Variants in INSC observed in about 807,000 individuals in gnomAD.
INSC encodes protein inscuteable homolog.
In INSC, 67 loss-of-function variants were observed where a neutral mutation model predicts 58.6. The ratio of observed to expected loss-of-function variants is 1.14; its 90% CI spans 0.94 to 1.40. The LOEUF is 1.40. Among genes scored for constraint, INSC ranks in the 40% most tolerant of loss-of-function variants. The pLI, the probability that INSC is intolerant of heterozygous loss-of-function variation, is 0.00. For synonymous variants in INSC, 262 were observed against 276.1 expected (o/e 0.95, Z 0.51); for missense variants, 714 against 692.0 (o/e 1.03, Z -0.36).
At chr11:15,265,805 T>C in the INSC span, among the ~76,000 whole-genome samples, 3 of 148,236 alleles carry the variant, frequency 2.0e-5, no homozygotes, top group Admixed American at 6.9e-5. Context: ...TATTTTCAGG[T>C]ATATGTTTTT....
chr11:15,247,301 A>C (rs1852596989), downstream of INSC: 1 of 152,162 alleles, frequency 6.6e-6, no homozygotes, highest in Non-Finnish European at 1.5e-5. Flanking sequence ...TAATCACATG[A>C]GTATTAATTA....
chr11:15,248,631 G>T (rs559127615), downstream of INSC, among the ~76,000 whole-genome samples: 22 of 152,188 alleles, frequency 1.4e-4, no homozygotes, highest in Non-Finnish European at 3.2e-4. Context: ...CAGGGTCAAA[G>T]TTCTGCCCAT....
intron 1 of INSC, among the ~76,000 whole-genome samples, chr11:15,143,091 G>T (rs758854702): frequency 1.1e-4 from 17 of 152,256 alleles, no homozygotes; most frequent in Middle Eastern, 3.4e-3. Flanking sequence ...TTGATATTAT[G>T]CACAAGCCTA....
chr11:15,203,215 A>G (rs1850664247), intron 7 of INSC, among the ~76,000 whole-genome samples: 1 of 152,144 alleles, frequency 6.6e-6, no homozygotes, highest in Non-Finnish European at 1.5e-5. Flanking sequence ...TGGTTTAATG[A>G]TTACTCTGAG....
intron 7 of INSC, among the ~76,000 whole-genome samples, chr11:15,202,416 T>A (rs1363319221): frequency 6.6e-6 from 1 of 152,140 alleles, no homozygotes; most frequent in Non-Finnish European, 1.5e-5. Flanking sequence ...CAGTGGACTG[T>A]CTGATTGTGT....
chr11:15,204,344 T>C (rs1850713511), intron 7 of INSC, among the ~76,000 whole-genome samples: 1 of 152,228 alleles, frequency 6.6e-6, no homozygotes, highest in Non-Finnish European at 1.5e-5. Context: ...GCCTGGGCTG[T>C]TAACAATTGT....
In INSC at chr11:15,225,686, T is replaced by C. The variant is rs2133942083; in HGVS notation, c.1028T>C (p.Leu343Pro). 6 of 1,614,232 alleles carry C rather than the reference T, an allele frequency of 3.7e-6. No homozygotes were observed. The highest frequency in any genetic ancestry group is 5.1e-6 in the Non-Finnish European group (6 of 1,180,036). ...GAGGCCTCATCAGGGGAAGTCTTCC[T>C]ACTGGCCTCTGCGGCCCTTGCCAAC... Reference protein sequence around the residue: ...CQEASSGEVFLLASAALANIT... With the variant: ...CQEASSGEVFPLASAALANIT... Residue 343 changes from leucine to proline, a missense_variant, in exon 9 of 13, where the codon CTA (leucine) becomes CCA (proline). Leu to Pro is a moderately conservative substitution (Grantham distance 98). Transcript: ENST00000379556.
intron 12 of INSC, among the ~76,000 whole-genome samples, chr11:15,243,921 A>C (rs1221406146): frequency 8.2e-6 from 1 of 122,464 alleles, no homozygotes. Flanking sequence ...TCTTTTTTAT[A>C]CTTGGTCTTT....
At chr11:15,179,537 C>T (rs372115034) in intron 5 of INSC, among the ~76,000 whole-genome samples, 66 of 152,350 alleles carry the variant, frequency 4.3e-4, no homozygotes, top group African/African-American at 1.5e-3. Flanking sequence ...GCTTGACTGA[C>T]ATGCTGGTCC....
At chr11:15,205,449 G>A (rs991294948) in intron 7 of INSC, among the ~76,000 whole-genome samples, 16 of 152,182 alleles carry the variant, frequency 1.1e-4, no homozygotes, top group Admixed American at 2.6e-4. Context: ...TCAGTAAAAT[G>A]AGCCTATAAA....
At chr11:15,127,195 G>A (rs931821676) in intron 1 of INSC, among the ~76,000 whole-genome samples, 4 of 152,214 alleles carry the variant, frequency 2.6e-5, no homozygotes, top group Non-Finnish European at 5.9e-5. Flanking sequence ...TAGGGCTTAA[G>A]GCCAGTGCTT....
In INSC at chr11:15,126,299, G is replaced by A. The variant is rs568191707; in HGVS notation, c.-46+11296G>A. Among the ~76,000 whole-genome samples, 5 of 152,350 alleles carry A rather than the reference G, an allele frequency of 3.3e-5. No homozygotes were observed. In the South Asian group the frequency reaches 6.2e-4, roughly 19 times the overall value. On this transcript the variant is annotated intron_variant, in intron 1 of 12. Transcript: ENST00000379556. ...AGGAGTACTTCTGGGGCAGCTCCTA[G>A]ATGCAATGGTGTGGGGCTTTATGGC... is the stretch of plus-strand genomic sequence containing the variant.
intron 9 of INSC, among the ~76,000 whole-genome samples, chr11:15,228,360 G>A (rs974109768): frequency 6.6e-6 from 1 of 152,186 alleles, no homozygotes; most frequent in Non-Finnish European, 1.5e-5. Context: ...GGTAGGGAGA[G>A]AATGTGGTTG....
chr11:15,253,350 G>A, the INSC span, among the ~76,000 whole-genome samples: 4 of 152,112 alleles, frequency 2.6e-5, no homozygotes, highest in Non-Finnish European at 4.4e-5. Flanking sequence ...ATTCAAAGGC[G>A]TTGAGACACA....
chr11:15,165,056 G>T (rs562467667), intron 2 of INSC, among the ~76,000 whole-genome samples: 6 of 152,274 alleles, frequency 3.9e-5, no homozygotes, highest in Admixed American at 2.0e-4. Flanking sequence ...ACATGATACC[G>T]AGCAGGTCTT....
the INSC span, among the ~76,000 whole-genome samples, chr11:15,268,956 G>T: frequency 6.6e-6 from 1 of 151,936 alleles, no homozygotes; most frequent in African/African-American, 2.4e-5. Context: ...ACTTCAAATT[G>T]GTATAGAAAA....
At chr11:15,127,711 A>T (rs573079368) in intron 1 of INSC, among the ~76,000 whole-genome samples, 78 of 152,306 alleles carry the variant, frequency 5.1e-4, no homozygotes, top group African/African-American at 1.8e-3. Flanking sequence ...TTGTGGGGTC[A>T]TTATGCCCTT....
intron 2 of INSC, among the ~76,000 whole-genome samples, chr11:15,153,118 G>A (rs1208723728): frequency 2.0e-5 from 3 of 152,204 alleles, no homozygotes; most frequent in Admixed American, 6.5e-5. Context: ...TTGAGGACAT[G>A]TTGGTGACCT....
chr11:15,201,063 T>G, intron 7 of INSC, 114 bp downstream of exon 7: 1 of 1,289,928 alleles, frequency 7.8e-7, no homozygotes, highest in Non-Finnish European at 1.1e-6. Context: ...CGAGTAGTCC[T>G]TTTCCCAGGC....
Sources: allele counts gnomAD v4.1 joint callset (sites outside exome capture counted in the v4.1 genomes callset), GRCh38; gene constraint gnomAD v4.1.1; transcripts MANE v1.5; gene names NCBI Gene and HGNC (gene_info 2026-07-23, HGNC 2026-07-21).